The following TMEM178A variants were observed in gnomAD, a reference collection of about 807,000 sequenced individuals.
The protein encoded by TMEM178A is transmembrane protein 178A.
TMEM178A carries 12 observed loss-of-function variants against 29.1 expected under a neutral mutation model. The observed-to-expected ratio is 0.41, with a 90% CI of 0.26 to 0.67. The LOEUF (loss-of-function observed/expected upper bound fraction) is 0.67. TMEM178A is among the 30% of genes least tolerant of loss of function. The pLI, the probability that TMEM178A is intolerant of heterozygous loss-of-function variation, is 0.29. For synonymous variants in TMEM178A, 210 were observed against 187.2 expected (o/e 1.12, Z -0.99); for missense variants, 366 against 419.1 (o/e 0.87, Z 1.11).
At chr2:39,670,336 G>A (rs1670358662) in intron 1 of TMEM178A, among the ~76,000 whole-genome samples, 1 of 152,224 alleles carries the variant, frequency 6.6e-6, no homozygotes, top group Non-Finnish European at 1.5e-5. Context: ...ATAGATGTTG[G>A]AGTGTTGGTT....
intron 2 of TMEM178A, among the ~76,000 whole-genome samples, chr2:39,704,918 G>A (rs1470232272): frequency 1.3e-5 from 2 of 152,200 alleles, no homozygotes; most frequent in Non-Finnish European, 2.9e-5. Flanking sequence ...CAAAGCCACT[G>A]TAGAAAACTA....
At chr2:39,700,425 C>A (rs1408299846) in intron 1 of TMEM178A, among the ~76,000 whole-genome samples, 2 of 151,952 alleles carry the variant, frequency 1.3e-5, no homozygotes, top group African/African-American at 2.4e-5. Flanking sequence ...TATAAAATAT[C>A]TTTTTTTCTC....
chr2:39,697,085 C>T (rs761190695), intron 1 of TMEM178A, among the ~76,000 whole-genome samples: 1 of 152,180 alleles, frequency 6.6e-6, no homozygotes, highest in Admixed American at 6.5e-5. Context: ...AATCTAATGC[C>T]TCCTTGTGGA....
chr2:39,676,561 A>C (rs1670632388), intron 1 of TMEM178A, among the ~76,000 whole-genome samples: 1 of 152,230 alleles, frequency 6.6e-6, no homozygotes, highest in African/African-American at 2.4e-5. Context: ...CCATTCTTAA[A>C]GCAATCCCGG....
At chr2:39,697,376 C>G (rs1247542011) in intron 1 of TMEM178A, among the ~76,000 whole-genome samples, 1 of 152,172 alleles carries the variant, frequency 6.6e-6, no homozygotes, top group African/African-American at 2.4e-5. Context: ...TGTTTAAGAA[C>G]AAGGACATAA....
chr2:39,713,129 G>A (rs1672386834), intron 3 of TMEM178A, among the ~76,000 whole-genome samples: 1 of 152,178 alleles, frequency 6.6e-6, no homozygotes, highest in African/African-American at 2.4e-5. Flanking sequence ...AGAGTAGAGT[G>A]GAGAGAATGC....
intron 1 of TMEM178A, among the ~76,000 whole-genome samples, chr2:39,679,067 A>T (rs1009210044): frequency 7.9e-5 from 12 of 152,206 alleles, no homozygotes; most frequent in Admixed American, 6.5e-5. Flanking sequence ...ATTAACTGGG[A>T]TGCCATTGTA....
At chr2:39,677,749 C>T (rs1323555371) in intron 1 of TMEM178A, among the ~76,000 whole-genome samples, 1 of 150,616 alleles carries the variant, frequency 6.6e-6, no homozygotes, top group African/African-American at 2.4e-5. Context: ...CCTCTTGGAC[C>T]TCTCGTTCGA....
At chr2:39,734,059 C>T in the TMEM178A span, among the ~76,000 whole-genome samples, 1 of 152,174 alleles carries the variant, frequency 6.6e-6, no homozygotes, top group Non-Finnish European at 1.5e-5. Flanking sequence ...CTTTACCAAT[C>T]TACTACTCCT....
the TMEM178A span, among the ~76,000 whole-genome samples, chr2:39,726,189 T>C: frequency 3.4e-5 from 5 of 148,156 alleles, no homozygotes; most frequent in South Asian, 2.1e-4. Flanking sequence ...GGTGGTGATA[T>C]GTGCTATGAA....
intron 1 of TMEM178A, among the ~76,000 whole-genome samples, chr2:39,694,487 C>G (rs1422968436): frequency 6.6e-6 from 1 of 152,100 alleles, no homozygotes; most frequent in African/African-American, 2.4e-5. Context: ...AAAGAATAAC[C>G]TCACACCTTT....
intron 1 of TMEM178A, among the ~76,000 whole-genome samples, chr2:39,687,052 G>A (rs10186346): frequency 0.43 from 63,865 of 148,884 alleles, 14,391 homozygotes; most frequent in East Asian, 0.79. Flanking sequence ...GTAAAGTACC[G>A]GTCTGGACTG....
chr2:39,734,434 C>G, the TMEM178A span, among the ~76,000 whole-genome samples: 1 of 152,212 alleles, frequency 6.6e-6, no homozygotes. Flanking sequence ...GGGAGGAATT[C>G]AGGGCTCAGC....
chr2:39,679,431 A>C (rs1401794601), intron 1 of TMEM178A, among the ~76,000 whole-genome samples: 1 of 152,138 alleles, frequency 6.6e-6, no homozygotes, highest in Non-Finnish European at 1.5e-5. Flanking sequence ...GATGGGTAAA[A>C]TGCTGACATT....
intron 1 of TMEM178A, among the ~76,000 whole-genome samples, chr2:39,673,795 C>G (rs764407735): frequency 9.8e-5 from 15 of 152,286 alleles, no homozygotes; most frequent in Admixed American, 5.2e-4. Flanking sequence ...TCTCTTTTGT[C>G]TACATTTCAA....
the TMEM178A span, among the ~76,000 whole-genome samples, chr2:39,729,591 T>C: frequency 6.6e-6 from 1 of 152,186 alleles, no homozygotes; most frequent in African/African-American, 2.4e-5. Flanking sequence ...CAATTATACT[T>C]GACAGAAAAA....
chr2:39,735,762 C>T, the TMEM178A span, among the ~76,000 whole-genome samples: 29 of 152,308 alleles, frequency 1.9e-4, 2 homozygotes, highest in East Asian at 3.9e-3. Context: ...AGAAGCTTAG[C>T]GGTGGCTACG....
downstream of TMEM178A, among the ~76,000 whole-genome samples, chr2:39,721,010 G>A (rs558860448): frequency 2.6e-5 from 4 of 152,160 alleles, no homozygotes; most frequent in African/African-American, 7.2e-5. Context: ...AATTTAAAGC[G>A]TTCTCATTTA....
the TMEM178A span, among the ~76,000 whole-genome samples, chr2:39,724,383 G>C: frequency 1.3e-4 from 20 of 152,164 alleles, no homozygotes; most frequent in African/African-American, 4.6e-4. Context: ...TTGATGTGTG[G>C]CCCTGCAAGA....
Sources: allele counts gnomAD v4.1 joint callset (sites outside exome capture counted in the v4.1 genomes callset), GRCh38; gene constraint gnomAD v4.1.1; transcripts MANE v1.5; gene names NCBI Gene and HGNC (gene_info 2026-07-23, HGNC 2026-07-21).